The following PSD2 variants were observed in gnomAD, a reference collection of about 807,000 sequenced individuals.
PSD2 encodes pleckstrin and Sec7 domain containing 2, also known as PH and SEC7 domain-containing protein 2.
Under a neutral mutation model 69.8 loss-of-function variants are expected in PSD2, and 38 were observed. The ratio of observed to expected loss-of-function variants is 0.54; its 90% CI spans 0.42 to 0.71. The LOEUF (loss-of-function observed/expected upper bound fraction) is 0.71, where lower values mean the gene tolerates loss of function less well. Among genes scored for constraint, PSD2 ranks in the 30% least tolerant of loss-of-function variants. The pLI is 0.00. For missense variants in PSD2, 943 were observed against 1,014.5 expected (o/e 0.93, Z 0.96); for synonymous variants, 412 against 423.0 (o/e 0.97, Z 0.32).
chr5:139,804,979 GTGTGTGCA>G (rs1218803913), intron 1 of PSD2, among the ~76,000 whole-genome samples: 1 of 151,618 alleles, frequency 6.6e-6, no homozygotes, highest in Admixed American at 6.6e-5. Context: ...GTGTGCGTGC[GTGTGTGCA>G]TGTGTGTGTC....
At chr5:139,817,777 ATTG>A (rs1760158262) in intron 5 of PSD2, among the ~76,000 whole-genome samples, 1 of 152,112 alleles carries the variant, frequency 6.6e-6, no homozygotes, top group South Asian at 2.1e-4. Context: ...TGGAAATGTA[ATTG>A]TGACTCTAGG....
the PSD2 span, among the ~76,000 whole-genome samples, chr5:139,750,791 T>C: frequency 1.3e-5 from 2 of 152,224 alleles, no homozygotes; most frequent in African/African-American, 2.4e-5. Context: ...AGAGGGAGGC[T>C]GAAGCCCATT....
chr5:139,837,301 C>T lies in PSD2; in HGVS notation c.1665+63C>T, dbSNP rs776942048. ...CAGCTCAGTCCCATCCCGCCCTGGC[C>T]TTGTGGCACCCCGAAGCCCCAGGCA... On this transcript the variant is annotated intron_variant, in intron 11 of 14. Transcript: ENST00000274710. This position sits in a 1 kb window ranked among gnomAD's most constrained non-coding sequence, Gnocchi z 5.0. 1.6e-4 allele frequency: 238 copies of T among 1,447,918 alleles called. No homozygotes were observed. Among genetic ancestry groups the T allele is most frequent in the Non-Finnish European group, 2.0e-4 (215 of 1,082,366 alleles). The allele number at this position is 1,447,918 out of a possible 1,614,324, so 89.7% of individuals were successfully genotyped here.
chr5:139,837,848 C>T lies in PSD2; in HGVS notation c.1823+66C>T. 6.7e-7 allele frequency: 1 copy of T among 1,481,538 alleles called. No homozygotes were observed. Among genetic ancestry groups the T allele is most frequent in the South Asian group, 1.2e-5 (1 of 80,250 alleles). 91.8% of individuals were successfully genotyped at this position (1,481,538 alleles called of 1,614,324 possible). The stretch of plus-strand genomic sequence containing the variant: ...AGGGCCACAGTGACCCGGCACACAA[C>T]CCCTCTCCTTCCCGTGAGTCAGCAA... On this transcript the variant is annotated intron_variant, in intron 12 of 14. Coordinates refer to ENST00000274710, the MANE Select transcript of PSD2 (RefSeq NM_032289.4). The surrounding 1 kb of genome is among the most constrained non-coding windows in gnomAD (Gnocchi z 5.0).
the PSD2 span, among the ~76,000 whole-genome samples, chr5:139,757,447 G>A: frequency 6.6e-6 from 1 of 152,146 alleles, no homozygotes; most frequent in South Asian, 2.1e-4. Flanking sequence ...AGTGTGGATG[G>A]GTGTTTTTAT....
At chr5:139,836,406 C>T (rs1760718775) in intron 9 of PSD2, among the ~76,000 whole-genome samples, 1 of 152,154 alleles carries the variant, frequency 6.6e-6, no homozygotes, top group African/African-American at 2.4e-5. Flanking sequence ...GGCTTCAGGG[C>T]CTTACCTGCT....
At chr5:139,781,397 G>A in the PSD2 span, among the ~76,000 whole-genome samples, 797 of 151,636 alleles carry the variant, frequency 5.3e-3, 6 homozygotes, top group Non-Finnish European at 3.6e-3. Context: ...GTGCAGTGGT[G>A]CAATCTTGGC....
the PSD2 span, among the ~76,000 whole-genome samples, chr5:139,764,198 C>CG: frequency 2.0e-5 from 3 of 152,156 alleles, no homozygotes; most frequent in African/African-American, 7.2e-5. Flanking sequence ...GCCTCCCCTG[C>CG]GGGCTGCGAG....
the PSD2 span, among the ~76,000 whole-genome samples, chr5:139,763,467 G>A: frequency 2.0e-5 from 3 of 152,324 alleles, no homozygotes; most frequent in East Asian, 3.9e-4. Flanking sequence ...CAAGAAGGCC[G>A]TGTCCTACTT....
the PSD2 span, among the ~76,000 whole-genome samples, chr5:139,751,998 G>A: frequency 6.6e-6 from 1 of 151,990 alleles, no homozygotes; most frequent in South Asian, 2.1e-4. Context: ...TTCCTATGTT[G>A]TCCAGGCAGG....
chr5:139,757,317 A>G, the PSD2 span, among the ~76,000 whole-genome samples: 6 of 152,340 alleles, frequency 3.9e-5, no homozygotes, highest in African/African-American at 1.4e-4. Context: ...ATCACCTGCC[A>G]CCACCACCCC....
In PSD2 at chr5:139,840,030, G is replaced by A. The variant is rs1376606324; in HGVS notation, c.1972G>A (p.Glu658Lys). The A allele has an allele frequency of 1.2e-6, 2 of 1,614,064 alleles. No individual in the cohort carries two copies. Among genetic ancestry groups the A allele is most frequent in the Non-Finnish European group, 1.7e-6 (2 of 1,180,036 alleles). ...PSCTTRLCQE[E>K]QLRSHENKLR... ...AGTCCAGGATTTGTCTTTGCAGGAG[G>A]AGCAACTGCGGTCTCATGAGAATAA... Residue 658 changes from glutamate (E) to lysine (K), a missense_variant, in exon 14 of 15, where the codon GAG becomes AAG. Physicochemically the swap from Glu to Lys is moderately conservative, Grantham distance 56. Around this residue, in one of 3 missense-constraint regions of PSD2, gnomAD observed 165 missense variants for 168.8 expected, o/e 0.98. Coordinates refer to ENST00000274710, the MANE Select transcript of PSD2 (RefSeq NM_032289.4).
At chr5:139,806,785 T>C (rs1225117286) in intron 1 of PSD2, among the ~76,000 whole-genome samples, 1 of 152,216 alleles carries the variant, frequency 6.6e-6, no homozygotes, top group Non-Finnish European at 1.5e-5. Flanking sequence ...CAGCCCTTGC[T>C]TGGGCTCAGC....
the PSD2 span, among the ~76,000 whole-genome samples, chr5:139,747,314 C>T: frequency 6.6e-6 from 1 of 152,158 alleles, no homozygotes; most frequent in South Asian, 2.1e-4. This position sits in a 1 kb window ranked among gnomAD's most constrained non-coding sequence, Gnocchi z 6.7. Flanking sequence ...CCTGGGCTGG[C>T]AGGTGGGCGG....
intron 7 of PSD2, among the ~76,000 whole-genome samples, chr5:139,832,733 C>T (rs1327309735): frequency 2.0e-5 from 3 of 152,234 alleles, no homozygotes; most frequent in East Asian, 1.9e-4. Context: ...CAAAATCCTT[C>T]AGTGATAAGT....
At chr5:139,791,759 G>A (rs1356870718), upstream of PSD2, among the ~76,000 whole-genome samples, 4 of 152,230 alleles carry the variant, frequency 2.6e-5, no homozygotes, top group Admixed American at 2.6e-4. Context: ...ATGTAACCCA[G>A]CACCCTTGTG....
the PSD2 span, among the ~76,000 whole-genome samples, chr5:139,768,722 T>TAA: frequency 2.0e-4 from 23 of 114,914 alleles, no homozygotes; most frequent in African/African-American, 4.7e-4. Flanking sequence ...AAACTCCATC[T>TAA]AAAAAAAAAA....
intron 7 of PSD2, among the ~76,000 whole-genome samples, chr5:139,830,569 T>TTC (rs1334455882): frequency 0.035 from 1,757 of 50,798 alleles, 8 homozygotes; most frequent in Admixed American, 0.047. Flanking sequence ...TTCCTTCCTT[T>TTC]CTTTCTTTCT....
chr5:139,805,338 G>A (rs1436378928), intron 1 of PSD2, among the ~76,000 whole-genome samples: 1 of 152,204 alleles, frequency 6.6e-6, no homozygotes, highest in Non-Finnish European at 1.5e-5. Flanking sequence ...TTCCAGCTTT[G>A]TGACTCCGAG....
Sources: gnomAD v4.1 joint callset for allele counts (sites outside exome capture counted in the v4.1 genomes callset) on GRCh38, gnomAD v4.1.1 for gene constraint, gnomAD v4.1.1 regional missense constraint, Gnocchi (gnomAD v3.1) non-coding constraint, MANE v1.5 for transcripts, NCBI Gene and HGNC (gene_info 2026-07-23, HGNC 2026-07-21) for gene names.